Variants in RPH3A observed in about 807,000 individuals in gnomAD.
RPH3A encodes rabphilin-3A.
Under a neutral mutation model 102.2 loss-of-function variants are expected in RPH3A, and 48 were observed. The observed-to-expected ratio is 0.47, with a 90% CI of 0.37 to 0.60. The LOEUF is 0.60. Ranked by LOEUF, RPH3A falls within the 20% of genes least tolerant of loss-of-function variation. RPH3A has a pLI of 0.00. For missense variants in RPH3A, 781 were observed against 910.1 expected (o/e 0.86, Z 1.83); for synonymous variants, 310 against 324.3 (o/e 0.96, Z 0.47).
intron 2 of RPH3A, among the ~76,000 whole-genome samples, chr12:112,800,310 G>C (rs933597015): frequency 1.3e-5 from 2 of 152,192 alleles, no homozygotes; most frequent in African/African-American, 4.8e-5. Flanking sequence ...AGTGGGGGCA[G>C]TAAGTGCAAA....
At chr12:112,677,288 A>G (rs959864474) in intron 1 of RPH3A, among the ~76,000 whole-genome samples, 1 of 151,944 alleles carries the variant, frequency 6.6e-6, no homozygotes, top group African/African-American at 2.4e-5. Flanking sequence ...CCCAGTGTCA[A>G]GAGCTTGAGC....
intron 1 of RPH3A, among the ~76,000 whole-genome samples, chr12:112,700,271 G>A (rs2040384011): frequency 1.3e-5 from 2 of 152,112 alleles, no homozygotes. Flanking sequence ...GTTTCATCAT[G>A]TTGGTCAGTC....
At chr12:112,854,892 G>A (rs1265603889) in intron 5 of RPH3A, among the ~76,000 whole-genome samples, 1 of 152,226 alleles carries the variant, frequency 6.6e-6, no homozygotes, top group East Asian at 1.9e-4. Flanking sequence ...TGATTTCGGG[G>A]ATTCAGAGAA....
In RPH3A at chr12:112,800,201, C is replaced by T. The variant is rs569532886; in HGVS notation, c.-19+7938C>T. 1.2e-3 allele frequency among the ~76,000 whole-genome samples: 187 copies of T among 152,120 alleles called. 1 individual carries two copies. The highest frequency in any genetic ancestry group is 4.1e-3 in the African/African-American group (171 of 41,476). Reference sequence around the variant, plus strand: ...AGTGATGGGTTGGGGGAGGGAGGGGCGAGACTAACTTATAAAAACAGCAGC... The same window carrying T: ...AGTGATGGGTTGGGGGAGGGAGGGGTGAGACTAACTTATAAAAACAGCAGC... On this transcript the variant is annotated intron_variant, in intron 2 of 21. Transcript: ENST00000389385.
chr12:112,742,078 T>A (rs2040713127), intron 1 of RPH3A, among the ~76,000 whole-genome samples: 1 of 152,194 alleles, frequency 6.6e-6, no homozygotes, highest in African/African-American at 2.4e-5. Context: ...GACTTCTGAA[T>A]AAAGCTAACT....
chr12:112,650,036 A>G lies in RPH3A; in HGVS notation c.-140+74717A>G, dbSNP rs367632435. Among the ~76,000 whole-genome samples the G allele has an allele frequency of 4.9e-4, 75 of 152,344 alleles. 1 individual carries two copies. The highest frequency in any genetic ancestry group is 1.6e-3 in the African/African-American group (67 of 41,584). ...TCAACATGTGAATTTTGGGAGGTACAGTCAGTCAATGTAGATCCAGCTTTT... is the reference window on the plus strand; with the variant it reads ...TCAACATGTGAATTTTGGGAGGTACGGTCAGTCAATGTAGATCCAGCTTTT... On this transcript the variant is annotated intron_variant, in intron 1 of 21. Transcript: ENST00000543106.
At chr12:112,670,403 G>T (rs141063849) in intron 1 of RPH3A, among the ~76,000 whole-genome samples, 8 of 152,178 alleles carry the variant, frequency 5.3e-5, no homozygotes, top group African/African-American at 1.9e-4. Flanking sequence ...GGCTGGTCTC[G>T]AACTCCTGAC....
At chr12:112,657,627 T>C (rs2040022239) in intron 1 of RPH3A, among the ~76,000 whole-genome samples, 1 of 152,196 alleles carries the variant, frequency 6.6e-6, no homozygotes, top group Non-Finnish European at 1.5e-5. Flanking sequence ...TATAACCTTA[T>C]GGGATCACTA....
At chr12:112,888,728 A>C (rs1299669498) in intron 17 of RPH3A, among the ~76,000 whole-genome samples, 1 of 152,250 alleles carries the variant, frequency 6.6e-6, no homozygotes, top group Non-Finnish European at 1.5e-5. Context: ...CAAGGATCAA[A>C]GTGAGGTTCT....
rs113897330 is a variant in RPH3A, at chr12:112,792,143, G to A, written c.-139G>A. ...AGTCAAATGAACAATTTTCTTTCAG[G>A]CACCTCCGCTGAGCTTTTAAACCAA... On this transcript the variant is annotated splice_region_variant and 5_prime_UTR_variant, in exon 2 of 22. Coordinates refer to ENST00000389385, the MANE Select transcript of RPH3A (RefSeq NM_001143854.2). 3.3e-5 allele frequency: 5 copies of A among 152,232 alleles called. 2 individuals are homozygous for A. The highest frequency in any genetic ancestry group is 1.2e-4 in the African/African-American group (5 of 41,538). The allele number at this position is 152,232 out of a possible 1,614,324, so 9.4% of individuals were successfully genotyped here. A position where few individuals can be genotyped will look rare whatever the true frequency, so the allele number is the denominator to read the frequency against.
intron 1 of RPH3A, among the ~76,000 whole-genome samples, chr12:112,620,113 A>C (rs535081787): frequency 1.3e-5 from 2 of 152,316 alleles, no homozygotes; most frequent in Admixed American, 1.3e-4. Flanking sequence ...TGGTGTGATG[A>C]TTGCCAGCAA....
At chr12:112,858,266 CAAAAAAAAAAAAAAAAAAA>C (rs1164602599) in intron 5 of RPH3A, among the ~76,000 whole-genome samples, 2 of 44,768 alleles carry the variant, frequency 4.5e-5, no homozygotes, top group Non-Finnish European at 7.5e-5. Context: ...GACCCTGTCT[CAAAAAAAAAAAAAAAAAAA>C]AAAAAAAAAG....
chr12:112,663,276 C>T (rs1401424992), intron 1 of RPH3A, among the ~76,000 whole-genome samples: 1 of 152,058 alleles, frequency 6.6e-6, no homozygotes, highest in Non-Finnish European at 1.5e-5. Context: ...GTGGAGCAAT[C>T]TTGGCTCACT....
At chr12:112,847,613 G>C (rs1038329525) in intron 4 of RPH3A, 83 bp from the exon 5 acceptor site, 11 of 1,460,926 alleles carry the variant, frequency 7.5e-6, no homozygotes, top group Non-Finnish European at 1.0e-5. Context: ...TTTGTCCACA[G>C]TTTCCCAGAC....
At chr12:112,842,376 A>C (rs2136180636) in intron 4 of RPH3A, among the ~76,000 whole-genome samples, 1 of 152,330 alleles carries the variant, frequency 6.6e-6, no homozygotes, top group East Asian at 1.9e-4. Flanking sequence ...TGACCCTCAT[A>C]TGAGCTTGAT....
chr12:112,768,701 C>T (rs1217199791), intron 1 of RPH3A, among the ~76,000 whole-genome samples: 2 of 152,164 alleles, frequency 1.3e-5, no homozygotes, highest in African/African-American at 4.8e-5. Flanking sequence ...CTGCTTGAAG[C>T]CAGGAGTTGG....
At chr12:112,742,015 C>T (rs761682615) in intron 1 of RPH3A, among the ~76,000 whole-genome samples, 2 of 152,160 alleles carry the variant, frequency 1.3e-5, no homozygotes, top group African/African-American at 2.4e-5. Flanking sequence ...ATAGAGCTCT[C>T]TAAAGGACTG....
intron 1 of RPH3A, among the ~76,000 whole-genome samples, chr12:112,687,348 G>C (rs1010359369): frequency 2.6e-5 from 4 of 152,142 alleles, no homozygotes; most frequent in African/African-American, 9.7e-5. Context: ...GTGTTGCCAA[G>C]ATGATCTCCA....
intron 11 of RPH3A, 30 bp downstream of exon 11, chr12:112,875,200 C>T (rs748641073): frequency 1.5e-5 from 23 of 1,544,662 alleles, no homozygotes; most frequent in Non-Finnish European, 1.7e-5. Flanking sequence ...TAGCACCTGC[C>T]CAGGCTGTCA....
Sources: gnomAD v4.1 joint callset for allele counts (sites outside exome capture counted in the v4.1 genomes callset) on GRCh38, gnomAD v4.1.1 for gene constraint, MANE v1.5 for transcripts, NCBI Gene and HGNC (gene_info 2026-07-23, HGNC 2026-07-21) for gene names.